The following PDE8B variants were observed in gnomAD, a reference collection of about 807,000 sequenced individuals.
PDE8B encodes the protein phosphodiesterase 8B.
A neutral mutation model predicts 101.3 loss-of-function variants in PDE8B; 26 were observed. The ratio of observed to expected loss-of-function variants is 0.26; its 90% CI spans 0.19 to 0.36. The LOEUF is 0.36. Among genes scored for constraint, PDE8B ranks in the 10% least tolerant of loss-of-function variants. The pLI, the probability that PDE8B is intolerant of heterozygous loss-of-function variation, is 1.00. For missense variants in PDE8B, 810 were observed against 1,163.1 expected, an observed-to-expected ratio of 0.70 and a Z score of 4.42; for synonymous variants, 424 against 429.3, an observed-to-expected ratio of 0.99 and a Z score of 0.15.
At chr5:77,326,219 C>T (rs1320284967) in intron 3 of PDE8B, among the ~76,000 whole-genome samples, 1 of 152,194 alleles carries the variant, frequency 6.6e-6, no homozygotes, top group East Asian at 1.9e-4. Context: ...AGAAAATCTT[C>T]CAGGGACCAA....
chr5:77,209,979 G>A (rs958236289), upstream of PDE8B, among the ~76,000 whole-genome samples: 19 of 152,196 alleles, frequency 1.2e-4, no homozygotes, highest in Non-Finnish European at 7.3e-5. Context: ...ATCCAACTCA[G>A]CCTTCGGAGT....
At chr5:77,278,204 T>C (rs1561458717) in intron 1 of PDE8B, among the ~76,000 whole-genome samples, 3 of 152,214 alleles carry the variant, frequency 2.0e-5, no homozygotes. Context: ...CCAGCTTCAG[T>C]ACTCTAGAGC....
chr5:77,161,830 G>T, the PDE8B span, among the ~76,000 whole-genome samples: 3 of 151,734 alleles, frequency 2.0e-5, no homozygotes, highest in African/African-American at 7.3e-5. Context: ...CTTTTTTTTG[G>T]TATTTTCTTG....
At chr5:77,398,272 A>T (rs1791492493) in intron 10 of PDE8B, among the ~76,000 whole-genome samples, 2 of 151,916 alleles carry the variant, frequency 1.3e-5, no homozygotes, top group African/African-American at 4.8e-5. Context: ...GCCCTTAAAA[A>T]AAAAAAACCT....
At chr5:77,130,339 T>G in the PDE8B span, among the ~76,000 whole-genome samples, 1 of 152,196 alleles carries the variant, frequency 6.6e-6, no homozygotes, top group South Asian at 2.1e-4. Flanking sequence ...AAACATCCAA[T>G]AGTTAAACTA....
chr5:77,301,020 T>C (rs1158385273), intron 1 of PDE8B, among the ~76,000 whole-genome samples: 1 of 152,220 alleles, frequency 6.6e-6, no homozygotes, highest in African/African-American at 2.4e-5. Context: ...CAAGGATTCA[T>C]TACCCCTGGG....
At chr5:77,292,092 T>A (rs1354212519) in intron 1 of PDE8B, among the ~76,000 whole-genome samples, 1 of 152,168 alleles carries the variant, frequency 6.6e-6, no homozygotes, top group African/African-American at 2.4e-5. Context: ...CAAAGTAATC[T>A]TCCATTTACC....
intron 6 of PDE8B, among the ~76,000 whole-genome samples, chr5:77,338,692 T>A (rs966862870): frequency 1.3e-5 from 2 of 152,234 alleles, no homozygotes; most frequent in African/African-American, 4.8e-5. Flanking sequence ...GGGTCTCTAC[T>A]GTTTTTAATT....
chr5:77,407,786 C>T (rs1793777381), intron 13 of PDE8B, among the ~76,000 whole-genome samples: 1 of 152,096 alleles, frequency 6.6e-6, no homozygotes, highest in Admixed American at 6.5e-5. Context: ...CTCCGGGTAG[C>T]AGGAACAGCC....
chr5:77,167,890 A>G, the PDE8B span, among the ~76,000 whole-genome samples: 1 of 152,134 alleles, frequency 6.6e-6, no homozygotes, highest in South Asian at 2.1e-4. Context: ...CCCCCACAGC[A>G]CAGAGCCCCC....
chr5:77,120,259 G>A, the PDE8B span, among the ~76,000 whole-genome samples: 1 of 152,246 alleles, frequency 6.6e-6, no homozygotes, highest in South Asian at 2.1e-4. Context: ...GATCTGTGCA[G>A]ATGTGGGCGT....
At chr5:77,222,003 A>G (rs761086769) in intron 1 of PDE8B, among the ~76,000 whole-genome samples, 6 of 152,152 alleles carry the variant, frequency 3.9e-5, no homozygotes, top group Non-Finnish European at 8.8e-5. Flanking sequence ...CAAGGCCCCA[A>G]ACATCATGGA....
At chr5:77,316,835 A>G (rs1481890298) in intron 2 of PDE8B, among the ~76,000 whole-genome samples, 1 of 152,252 alleles carries the variant, frequency 6.6e-6, no homozygotes, top group Non-Finnish European at 1.5e-5. Context: ...TACCAGTGCT[A>G]CGGTATACCC....
At position 77,325,747 on chromosome 5, in the gene PDE8B, A is replaced by G. The variant is rs1775928861; in HGVS notation, c.590+18A>G. ...GTGTGCAGGTACCTTCTCTAATTTA[A>G]TATGCTTAGTAAATGTTCACTTTAC... On this transcript the variant is annotated intron_variant, in intron 3 of 21. Coordinates refer to ENST00000264917, the MANE Select transcript of PDE8B (RefSeq NM_003719.5). 2.0e-6 allele frequency: 3 copies of G among 1,525,782 alleles called. No individual in the cohort carries two copies. The highest frequency in any genetic ancestry group is 2.7e-6 in the Non-Finnish European group (3 of 1,100,156). 94.5% of individuals were successfully genotyped at this position (1,525,782 alleles called of 1,614,324 possible). A position where few individuals can be genotyped will look rare whatever the true frequency, so the allele number is the denominator to read the frequency against.
At chr5:77,349,658 A>G (rs1780738369) in intron 8 of PDE8B, 99 bp downstream of exon 8, 1 of 1,319,910 alleles carries the variant, frequency 7.6e-7, no homozygotes, top group East Asian at 2.4e-5. Context: ...TTTTTTAATA[A>G]TGTCATAATT....
intron 10 of PDE8B, among the ~76,000 whole-genome samples, chr5:77,398,629 T>C (rs1341534574): frequency 6.6e-6 from 1 of 152,236 alleles, no homozygotes; most frequent in Non-Finnish European, 1.5e-5. Flanking sequence ...CCGGCTGTTT[T>C]ACTTTTGTGT....
At chr5:77,422,265 C>T (rs557937131) in intron 20 of PDE8B, among the ~76,000 whole-genome samples, 66 of 152,276 alleles carry the variant, frequency 4.3e-4, no homozygotes, top group Middle Eastern at 3.4e-3. Flanking sequence ...AGAACTTGCA[C>T]AAAAACCGAG....
In PDE8B at chr5:77,424,140, T is replaced by C. The variant is rs553886734; in HGVS notation, c.2419-1627T>C. On this transcript the variant is annotated intron_variant, in intron 20 of 21. Coordinates refer to ENST00000264917, the MANE Select transcript of PDE8B (RefSeq NM_003719.5). ...AAATGACTCCTTGAACACCAGTGGA[T>C]ATTTTAAGGCTGCTTGATCGACTGA... Among the ~76,000 whole-genome samples the C allele has an allele frequency of 2.0e-5, 3 of 152,246 alleles. No individual in the cohort carries two copies. In the East Asian group the frequency reaches 5.8e-4, roughly 29 times the overall value.
intron 21 of PDE8B, 199 bp from the exon 22 acceptor site, chr5:77,426,246 A>G (rs1460217638): frequency 1.6e-6 from 1 of 621,626 alleles, no homozygotes; most frequent in Non-Finnish European, 2.9e-6. Flanking sequence ...TTCTTCTGAT[A>G]ATGTCACTGA....
Sources: gnomAD v4.1 joint callset for allele counts (sites outside exome capture counted in the v4.1 genomes callset) on GRCh38, gnomAD v4.1.1 for gene constraint, MANE v1.5 for transcripts, NCBI Gene and HGNC (gene_info 2026-07-23, HGNC 2026-07-21) for gene names.